The following CSMD1 variants were observed in gnomAD, a reference collection of about 807,000 sequenced individuals.
The protein encoded by CSMD1 is CUB and Sushi multiple domains 1, also known as CUB and sushi domain-containing protein 1.
In CSMD1, 213 loss-of-function variants were observed where a neutral mutation model predicts 417.5. The observed-to-expected ratio is 0.51, with a 90% CI of 0.46 to 0.57. The LOEUF (loss-of-function observed/expected upper bound fraction) is 0.57, where lower values mean the gene tolerates loss of function less well. CSMD1 is among the 20% of genes least tolerant of loss of function. CSMD1 has a pLI of 0.00. For missense variants in CSMD1, 6,923 were observed against 4,529.7 expected, an observed-to-expected ratio of 1.53 and a Z score of -15.17; for synonymous variants, 2,862 against 1,736.8, an observed-to-expected ratio of 1.65 and a Z score of -16.11.
chr8:4,196,753 T>C (rs1382438282), intron 3 of CSMD1, among the ~76,000 whole-genome samples: 1 of 152,130 alleles, frequency 6.6e-6, no homozygotes, highest in Non-Finnish European at 1.5e-5. Flanking sequence ...CAAGACCCTT[T>C]ATCTTATCTG....
intron 41 of CSMD1, among the ~76,000 whole-genome samples, chr8:3,130,896 A>G (rs549456570): frequency 1.4e-4 from 21 of 152,226 alleles, no homozygotes; most frequent in African/African-American, 4.8e-4. Flanking sequence ...GTCTCACTCT[A>G]TTTGCAACAA....
At chr8:3,590,172 T>C (rs909172014) in intron 8 of CSMD1, among the ~76,000 whole-genome samples, 1 of 152,172 alleles carries the variant, frequency 6.6e-6, no homozygotes, top group Non-Finnish European at 1.5e-5. Context: ...AAAATAACTA[T>C]GATCTATCTA....
At chr8:4,491,506 ACCTCCTT>A (rs1801699984) in intron 2 of CSMD1, among the ~76,000 whole-genome samples, 1 of 151,926 alleles carries the variant, frequency 6.6e-6, no homozygotes, top group Non-Finnish European at 1.5e-5. Context: ...TGGTAACTTC[ACCTCCTT>A]CCTCCCACAT....
intron 30 of CSMD1, among the ~76,000 whole-genome samples, chr8:3,210,458 A>C (rs10088486): frequency 0.064 from 8,343 of 130,810 alleles, 21 homozygotes; most frequent in Middle Eastern, 0.12. Context: ...TATGACCTAT[A>C]TATATATAGG....
In CSMD1 at chr8:3,495,986, G is replaced by C. The variant is rs573158046; in HGVS notation, c.1345-2260C>G. On this transcript the variant is annotated intron_variant, in intron 10 of 69. Transcript: ENST00000635120. ...AGGTAAACACGTGCCATGGTGGTTT[G>C]CTGCACCTGTCAACCCATCACCTAG... is the stretch of plus-strand genomic sequence containing the variant. 1.5e-4 allele frequency among the ~76,000 whole-genome samples: 23 copies of C among 152,204 alleles called. No individual in the cohort carries two copies. In the South Asian group the frequency reaches 4.8e-3, roughly 32 times the overall value.
chr8:4,796,079 C>A (rs1294697824), intron 1 of CSMD1, among the ~76,000 whole-genome samples: 7 of 152,074 alleles, frequency 4.6e-5, no homozygotes, highest in Non-Finnish European at 1.0e-4. Context: ...ATTACAAAGA[C>A]AAGTAAATGT....
At chr8:3,323,905 ATCATTGT>A (rs1806320593) in intron 23 of CSMD1, among the ~76,000 whole-genome samples, 1 of 139,890 alleles carries the variant, frequency 7.1e-6, no homozygotes, top group African/African-American at 2.8e-5. Flanking sequence ...CCCACCTTTC[ATCATTGT>A]TAAAATAGAC....
rs752003529 is a variant in CSMD1 at position 3,409,546 on chromosome 8, T to C, written c.1621A>G (p.Ser541Gly). ...GIPAYGKRTGSSFLHGDTLTF... is the reference protein window; with the variant it reads ...GIPAYGKRTGGSFLHGDTLTF... ...AGTGTATCTCCATGGAGGAAACTGC[T>C]GCCCGTCCGCTTCCCATAGGCGGGG... The change falls in exon 13 of 70, where the codon AGC becomes GGC. Residue 541 changes from serine to glycine, a missense_variant. Transcript: ENST00000635120. 1.9e-6 allele frequency: 3 copies of C among 1,611,174 alleles called. No individual in the cohort carries two copies. Among genetic ancestry groups the C allele is most frequent in the Middle Eastern group, 1.7e-4 (1 of 6,036 alleles).
At chr8:4,069,351 G>A (rs1004912066) in intron 3 of CSMD1, among the ~76,000 whole-genome samples, 1 of 152,152 alleles carries the variant, frequency 6.6e-6, no homozygotes, top group Admixed American at 6.5e-5. Context: ...TCTACAGGTA[G>A]TTGAACCACT....
At chr8:3,833,540 T>C (rs1298678991) in intron 5 of CSMD1, among the ~76,000 whole-genome samples, 1 of 152,108 alleles carries the variant, frequency 6.6e-6, no homozygotes, top group African/African-American at 2.4e-5. Context: ...GAAGAAGCAC[T>C]TTTTTTGTGT....
intron 1 of CSMD1, among the ~76,000 whole-genome samples, chr8:4,871,719 G>T (rs1282843900): frequency 2.0e-5 from 3 of 152,086 alleles, no homozygotes; most frequent in Non-Finnish European, 4.4e-5. Flanking sequence ...GCAGCTCAAT[G>T]CATAATTTCA....
chr8:3,756,603 C>T (rs139429656), intron 5 of CSMD1, among the ~76,000 whole-genome samples: 77 of 152,206 alleles, frequency 5.1e-4, no homozygotes, highest in Admixed American at 8.5e-4. Context: ...GATATTTATT[C>T]AATCCCCTGT....
At chr8:3,476,688 C>A (rs10110880) in intron 11 of CSMD1, among the ~76,000 whole-genome samples, 1 of 151,496 alleles carries the variant, frequency 6.6e-6, no homozygotes, top group African/African-American at 2.4e-5. Context: ...GAGGCCAAGG[C>A]GGGCAGATTA....
chr8:4,089,284 C>G (rs1453707303), intron 3 of CSMD1, among the ~76,000 whole-genome samples: 2 of 152,126 alleles, frequency 1.3e-5, no homozygotes, highest in Admixed American at 6.5e-5. Context: ...AGTGGGGTGC[C>G]TGCCAACTTG....
intron 5 of CSMD1, among the ~76,000 whole-genome samples, chr8:3,944,828 A>T (rs1047042469): frequency 6.6e-6 from 1 of 152,180 alleles, no homozygotes; most frequent in African/African-American, 2.4e-5. Context: ...CAATCCAATA[A>T]TTAGAGCTAG....
At chr8:4,848,267 T>C (rs1309398063) in intron 1 of CSMD1, among the ~76,000 whole-genome samples, 2 of 152,250 alleles carry the variant, frequency 1.3e-5, no homozygotes, top group Non-Finnish European at 1.5e-5. Context: ...GTTTGAATAA[T>C]GTTGACATAA....
At chr8:3,883,008 GCATATTTT>G (rs1435214996) in intron 5 of CSMD1, among the ~76,000 whole-genome samples, 1 of 152,104 alleles carries the variant, frequency 6.6e-6, no homozygotes, top group African/African-American at 2.4e-5. Flanking sequence ...ACTTCTGCAT[GCATATTTT>G]ATCCTGAACC....
rs117773060 is a variant in CSMD1, at chr8:4,245,465, A to C, written c.415+174488T>G. Among the ~76,000 whole-genome samples, 525 of 152,262 alleles carry C rather than the reference A, an allele frequency of 3.4e-3. 2 individuals are homozygous for C. Among genetic ancestry groups the C allele is most frequent in the Non-Finnish European group, 3.4e-3 (233 of 68,006 alleles). Reference sequence around the variant, plus strand: ...TGCTCAACACAATCACGAGACACCCAACTCAGCAAACAAAAACTCTTCATG... The same window carrying C: ...TGCTCAACACAATCACGAGACACCCCACTCAGCAAACAAAAACTCTTCATG... On this transcript the variant is annotated intron_variant, in intron 3 of 69. Coordinates refer to ENST00000635120, the MANE Select transcript of CSMD1 (RefSeq NM_033225.6).
In CSMD1 at chr8:3,446,021, C is replaced by T. The variant is rs545754717; in HGVS notation, c.1561+22691G>A. The stretch of plus-strand genomic sequence containing the variant: ...TAATGGAAAGTCAAAAATACTGTCC[C>T]GGGCCCGGATTGATAATTACATTTT... On this transcript the variant is annotated intron_variant, in intron 12 of 69. Transcript: ENST00000635120. 5.3e-5 allele frequency among the ~76,000 whole-genome samples: 8 copies of T among 152,060 alleles called. No homozygotes were observed. In the East Asian group the frequency reaches 5.8e-4, roughly 11 times the overall value.
Sources: gnomAD v4.1 joint callset for allele counts (sites outside exome capture counted in the v4.1 genomes callset) on GRCh38, gnomAD v4.1.1 for gene constraint, MANE v1.5 for transcripts, NCBI Gene and HGNC (gene_info 2026-07-23, HGNC 2026-07-21) for gene names.